DYSF: variants seen among roughly 807,000 people sequenced by gnomAD.
DYSF encodes the protein dysferlin, also known as dystrophy-associated fer-1-like 1.
DYSF carries 212 observed loss-of-function variants against 274.9 expected under a neutral mutation model. The observed-to-expected ratio is 0.77, with a 90% CI of 0.69 to 0.86. DYSF has a LOEUF of 0.86. DYSF is among the 40% of genes least tolerant of loss of function. The pLI, the probability that DYSF is intolerant of heterozygous loss-of-function variation, is 0.00. For missense variants in DYSF, 2,666 were observed against 2,783.2 expected (o/e 0.96, Z 0.95); for synonymous variants, 1,091 against 1,078.7 (o/e 1.01, Z -0.22).
chr2:71,618,181 G>A (rs1189963797), intron 40 of DYSF, among the ~76,000 whole-genome samples: 4 of 91,182 alleles, frequency 4.4e-5, no homozygotes, highest in South Asian at 3.7e-4. Flanking sequence ...GTAGAGGTGG[G>A]GTATAAGTGT....
intron 42 of DYSF, among the ~76,000 whole-genome samples, chr2:71,650,242 A>C (rs927466145): frequency 1.3e-5 from 2 of 152,150 alleles, no homozygotes; most frequent in African/African-American, 4.8e-5. Context: ...GCACTTTGGG[A>C]GGCCGAAGCA....
chr2:71,676,876 C>A (rs1231372358), intron 52 of DYSF, among the ~76,000 whole-genome samples: 1 of 151,690 alleles, frequency 6.6e-6, no homozygotes, highest in Non-Finnish European at 1.5e-5. Context: ...ATCCAGATAG[C>A]CTGTGTTTCC....
intron 52 of DYSF, 22 bp from the exon 53 acceptor site, chr2:71,679,035 A>G: frequency 6.2e-7 from 1 of 1,612,588 alleles, no homozygotes; most frequent in Non-Finnish European, 8.5e-7. Flanking sequence ...ACCCTTGGCC[A>G]AAAACTACCT....
intron 14 of DYSF, among the ~76,000 whole-genome samples, chr2:71,532,635 A>T (rs1299537261): frequency 6.6e-6 from 1 of 152,128 alleles, no homozygotes; most frequent in Non-Finnish European, 1.5e-5. Context: ...AGTGTTTGCG[A>T]TGGAGGAGGG....
intron 9 of DYSF, among the ~76,000 whole-genome samples, chr2:71,516,696 G>T (rs2086695423): frequency 6.6e-6 from 1 of 152,222 alleles, no homozygotes; most frequent in East Asian, 1.9e-4. Flanking sequence ...CTGCAGCCTA[G>T]TGGCTCTAAG....
At chr2:71,540,980 A>G (rs972061306) in intron 17 of DYSF, among the ~76,000 whole-genome samples, 13 of 152,320 alleles carry the variant, frequency 8.5e-5, no homozygotes, top group Non-Finnish European at 1.5e-4. Flanking sequence ...TTGGTGATAC[A>G]AACACTGTAT....
rs1558708096 is a variant in DYSF at position 71,644,017 on chromosome 2, G to C, written c.4580G>C (p.Arg1527Thr). 6.2e-7 allele frequency: 1 copy of C among 1,612,746 alleles called. No individual in the cohort carries two copies. The highest frequency in any genetic ancestry group is 8.5e-7 in the Non-Finnish European group (1 of 1,179,486). ...WSKFFASIGEREKCGSYLEKD... is the reference protein window; with the variant it reads ...WSKFFASIGETEKCGSYLEKD... ...AAATTCTTTGCCTCCATAGGGGAGA[G>C]GGAAAAGTGCGGCTCCTACCTGGAG... The change falls in exon 42 of 56, where the codon AGG (arginine) becomes ACG (threonine). Residue 1527 changes from arginine to threonine, a missense_variant. Transcript: ENST00000410020.
At chr2:71,567,034 C>T (rs2152809927) in intron 24 of DYSF, among the ~76,000 whole-genome samples, 1 of 152,338 alleles carries the variant, frequency 6.6e-6, no homozygotes, top group Non-Finnish European at 1.5e-5. Context: ...GCTCATGACA[C>T]TAGGCCTGGG....
At chr2:71,514,898 T>A (rs2086493724) in intron 7 of DYSF, among the ~76,000 whole-genome samples, 1 of 151,876 alleles carries the variant, frequency 6.6e-6, no homozygotes, top group Non-Finnish European at 1.5e-5. Flanking sequence ...TATATTAAAA[T>A]GAGGAGATTA....
In DYSF at chr2:71,493,870, A is replaced by AAAAAG. The variant is rs1553514841; in HGVS notation, c.240-9340_240-9336dup. Among the ~76,000 whole-genome samples the AAAAAG allele has an allele frequency of 3.0e-3, 436 of 144,030 alleles. 10 individuals carry two copies. Among genetic ancestry groups the AAAAAG allele is most frequent in the Non-Finnish European group, 4.5e-3 (293 of 65,408 alleles). 94.5% of individuals were successfully genotyped at this position (144,030 alleles called of 152,430 possible). On this transcript the variant is annotated intron_variant, in intron 3 of 55. Coordinates refer to ENST00000410020, the MANE Select transcript of DYSF (RefSeq NM_001130987.2). ...CTGTCTCAAAAAAAAAAAAAAAAAAAAAAAGAAAGAAAGAAACACAAAGGT... is the reference window on the plus strand; with the variant it reads ...CTGTCTCAAAAAAAAAAAAAAAAAAAAAAAGAAAAGAAAGAAAGAAACACAAAGGT...
At chr2:71,616,263 C>T (rs1006605674) in intron 40 of DYSF, among the ~76,000 whole-genome samples, 8 of 152,032 alleles carry the variant, frequency 5.3e-5, no homozygotes, top group African/African-American at 1.7e-4. Context: ...TCCCAGGGCT[C>T]GTAGATCAGT....
chr2:71,585,777 G>A (rs986667932), intron 30 of DYSF, among the ~76,000 whole-genome samples: 1 of 152,096 alleles, frequency 6.6e-6, no homozygotes, highest in Non-Finnish European at 1.5e-5. Flanking sequence ...GTGCACGCTG[G>A]GCACCTGGCT....
intron 52 of DYSF, among the ~76,000 whole-genome samples, chr2:71,678,691 T>C (rs550633198): frequency 9.9e-5 from 15 of 152,214 alleles, no homozygotes; most frequent in Non-Finnish European, 1.6e-4. Context: ...TCATGTTATA[T>C]GTATTTTACC....
intron 3 of DYSF, among the ~76,000 whole-genome samples, chr2:71,489,774 A>G (rs1297857019): frequency 6.6e-6 from 1 of 152,072 alleles, no homozygotes; most frequent in Non-Finnish European, 1.5e-5. Flanking sequence ...TGTCCATCAG[A>G]GCTTGCAGGG....
intron 3 of DYSF, among the ~76,000 whole-genome samples, chr2:71,482,388 G>A (rs1038759616): frequency 1.3e-5 from 2 of 152,216 alleles, no homozygotes; most frequent in African/African-American, 4.8e-5. Flanking sequence ...GTAGCTAGCA[G>A]GGAGCTTTCC....
At chr2:71,471,790 C>A (rs2082051604) in intron 1 of DYSF, among the ~76,000 whole-genome samples, 2 of 152,078 alleles carry the variant, frequency 1.3e-5, no homozygotes, top group Admixed American at 6.5e-5. Flanking sequence ...CAGGGTGAAA[C>A]CCTGTCTCTA....
chr2:71,549,364 G>A (rs1287930399), intron 17 of DYSF: 1 of 1,612,808 alleles, frequency 6.2e-7, no homozygotes, highest in Admixed American at 1.7e-5. Flanking sequence ...GCCTGCAGGT[G>A]CTGTCAAGCC....
chr2:71,611,819 CG>C (rs1558616883), intron 38 of DYSF, among the ~76,000 whole-genome samples, 193 bp downstream of exon 38: 1 of 152,184 alleles, frequency 6.6e-6, no homozygotes, highest in East Asian at 1.9e-4. Context: ...GTAGGACAAA[CG>C]GGGCCAACCT....
chr2:71,686,427 G>A (rs2095357514), intron 55 of DYSF, 27 bp from the exon 56 acceptor site: 1 of 1,613,756 alleles, frequency 6.2e-7, no homozygotes. Context: ...GGATCACCAT[G>A]GGTCCCTGTC....
Sources: allele counts gnomAD v4.1 joint callset (sites outside exome capture counted in the v4.1 genomes callset), GRCh38; gene constraint gnomAD v4.1.1; transcripts MANE v1.5; gene names NCBI Gene and HGNC (gene_info 2026-07-23, HGNC 2026-07-21).